TTC6: variants seen among roughly 807,000 people sequenced by gnomAD.
The protein encoded by TTC6 is tetratricopeptide repeat domain 6, also known as tetratricopeptide repeat protein 6.
A neutral mutation model predicts 210.4 loss-of-function variants in TTC6; 172 were observed. The observed-to-expected ratio is 0.82, with a 90% CI of 0.72 to 0.93. The LOEUF (loss-of-function observed/expected upper bound fraction) is 0.93. Among genes scored for constraint, TTC6 ranks in the 40% least tolerant of loss-of-function variants. The probability of loss-of-function intolerance (pLI) is 0.00; values close to 1 mark genes in which losing one functional copy is unlikely to be tolerated. For missense variants in TTC6, 2,414 were observed against 2,318.1 expected, an observed-to-expected ratio of 1.04 and a Z score of -0.85; for synonymous variants, 804 against 819.6, an observed-to-expected ratio of 0.98 and a Z score of 0.32.
chr14:37,779,213 A>G (rs1261800774), intron 14 of TTC6, among the ~76,000 whole-genome samples: 3 of 152,116 alleles, frequency 2.0e-5, no homozygotes, highest in African/African-American at 7.2e-5. Context: ...AGGGTTCCCA[A>G]GTTCCTCCCC....
intron 29 of TTC6, among the ~76,000 whole-genome samples, chr14:37,840,876 T>C (rs930081380): frequency 1.7e-4 from 26 of 151,404 alleles, no homozygotes; most frequent in Non-Finnish European, 3.2e-4. Context: ...AGGATTTTTT[T>C]TTTTTTTTTT....
At chr14:37,780,027 C>G (rs998055473) in intron 14 of TTC6, among the ~76,000 whole-genome samples, 1 of 152,044 alleles carries the variant, frequency 6.6e-6, no homozygotes, top group Non-Finnish European at 1.5e-5. Context: ...GAAGTTGAAA[C>G]AAATGCAAAA....
chr14:37,745,820 G>C (rs2095934284), intron 10 of TTC6, among the ~76,000 whole-genome samples: 1 of 152,142 alleles, frequency 6.6e-6, no homozygotes, highest in Non-Finnish European at 1.5e-5. Context: ...GTATACCTAA[G>C]CCACATTGCA....
At chr14:37,691,802 T>C (rs1206685963) in intron 3 of TTC6, among the ~76,000 whole-genome samples, 1 of 151,972 alleles carries the variant, frequency 6.6e-6, no homozygotes, top group Non-Finnish European at 1.5e-5. Context: ...TTAGCCAGAC[T>C]AAGAAAAGAA....
At chr14:37,625,547 T>TA (rs34756083) in intron 1 of TTC6, among the ~76,000 whole-genome samples, 25,138 of 136,256 alleles carry the variant, frequency 0.18, 2,450 homozygotes, top group South Asian at 0.32. Flanking sequence ...AGACTTCGTC[T>TA]AAAAAAAAAA....
chr14:37,633,690 T>C (rs1288480243), intron 1 of TTC6, among the ~76,000 whole-genome samples: 1 of 151,812 alleles, frequency 6.6e-6, no homozygotes, highest in Non-Finnish European at 1.5e-5. Flanking sequence ...GACAGTGGAG[T>C]GTCTAAACTT....
intron 1 of TTC6, among the ~76,000 whole-genome samples, chr14:37,634,483 G>GTGGGA (rs1202430381): frequency 1.3e-5 from 2 of 152,174 alleles, no homozygotes; most frequent in African/African-American, 4.8e-5. Flanking sequence ...TTACGGACCT[G>GTGGGA]TGGGACTAAA....
intron 30 of TTC6, 167 bp downstream of exon 32, chr14:37,841,837 A>G: frequency 1.5e-6 from 1 of 663,356 alleles, no homozygotes; most frequent in Non-Finnish European, 2.5e-6. Flanking sequence ...TCCTTTATGT[A>G]ATGTCTTAAC....
intron 2 of TTC6, among the ~76,000 whole-genome samples, chr14:37,681,848 A>G (rs1957589): frequency 0.38 from 57,639 of 152,050 alleles, 11,680 homozygotes; most frequent in Admixed American, 0.5. Context: ...AAGTACAAAA[A>G]AAGATATATC....
intron 15 of TTC6, among the ~76,000 whole-genome samples, chr14:37,789,714 C>T (rs528398627): frequency 6.6e-6 from 1 of 150,716 alleles, no homozygotes; most frequent in East Asian, 1.9e-4. Flanking sequence ...AAAGTACACT[C>T]TATGATCTTT....
At chr14:37,602,184 G>A (rs531838376) in intron 1 of TTC6, among the ~76,000 whole-genome samples, 1 of 152,222 alleles carries the variant, frequency 6.6e-6, no homozygotes, top group African/African-American at 2.4e-5. Flanking sequence ...ATCTTCCTCG[G>A]TACCGGCCTC....
intron 5 of TTC6, among the ~76,000 whole-genome samples, chr14:37,709,695 A>T (rs1324885716): frequency 4.7e-5 from 1 of 21,472 alleles, no homozygotes. Context: ...TGTTTTGTAA[A>T]AAAAAAAAAA....
At position 37,753,743 on chromosome 14, in the gene TTC6, A is replaced by ATT. The variant is rs3062809; in HGVS notation, c.3266+524_3266+525dup. 5.9e-3 allele frequency among the ~76,000 whole-genome samples: 824 copies of ATT among 139,382 alleles called. 7 individuals are homozygous for ATT. The highest frequency in any genetic ancestry group is 8.9e-3 in the Non-Finnish European group (579 of 65,254). 91.4% of individuals were successfully genotyped at this position (139,382 alleles called of 152,430 possible). On this transcript the variant is annotated intron_variant, in intron 14 of 30. Coordinates refer to ENST00000553443, the Ensembl canonical transcript of TTC6. ...GCTTCCACAGCCAGTTAATTTTTCA[A>ATT]TTTTTTTTTTTTTTTTTGTGGAAAT... is the stretch of plus-strand genomic sequence containing the variant.
At chr14:37,602,673 G>T (rs899342052) in intron 1 of TTC6, among the ~76,000 whole-genome samples, 3 of 152,088 alleles carry the variant, frequency 2.0e-5, no homozygotes, top group Non-Finnish European at 4.4e-5. Context: ...TGCGGCGGAG[G>T]ATCTGCACCC....
chr14:37,674,312 CA>C (rs1180966262), intron 1 of TTC6, among the ~76,000 whole-genome samples: 1 of 152,044 alleles, frequency 6.6e-6, no homozygotes, highest in Non-Finnish European at 1.5e-5. Context: ...GTAGCCTCTT[CA>C]AGTAACAGTT....
At chr14:37,638,635 G>A (rs909559955) in intron 1 of TTC6, among the ~76,000 whole-genome samples, 3 of 151,898 alleles carry the variant, frequency 2.0e-5, no homozygotes, top group African/African-American at 4.8e-5. Flanking sequence ...TGGGGGCGGG[G>A]GGGCTGGGAG....
rs140797815 is a variant in TTC6, at chr14:37,675,822, C to G, written c.940-4329C>G. On this transcript the variant is annotated intron_variant, in intron 1 of 30. Transcript: ENST00000553443. ...CACTGTGATTTTGATTTGTGTTTCCCTGATTATTTGTGTTGGTCATCTTTT... is the reference window on the plus strand; with the variant it reads ...CACTGTGATTTTGATTTGTGTTTCCGTGATTATTTGTGTTGGTCATCTTTT... Among the ~76,000 whole-genome samples, 206 of 151,070 alleles carry G rather than the reference C, an allele frequency of 1.4e-3. 2 individuals are homozygous for G. Among genetic ancestry groups the G allele is most frequent in the African/African-American group, 4.7e-3 (194 of 41,126 alleles).
intron 14 of TTC6, among the ~76,000 whole-genome samples, chr14:37,763,010 G>A (rs368386159): frequency 6.7e-5 from 10 of 149,568 alleles, no homozygotes; most frequent in Non-Finnish European, 1.2e-4. Flanking sequence ...TCAGCCTCCG[G>A]AGTAGCTGGG....
intron 1 of TTC6, among the ~76,000 whole-genome samples, chr14:37,659,656 G>A (rs2095732867): frequency 6.6e-6 from 1 of 152,028 alleles, no homozygotes; most frequent in Non-Finnish European, 1.5e-5. Context: ...GAACAACTGG[G>A]ATTACAGGCA....
Sources: allele counts gnomAD v4.1 joint callset (sites outside exome capture counted in the v4.1 genomes callset), GRCh38; gene constraint gnomAD v4.1.1; transcripts MANE v1.5; gene names NCBI Gene and HGNC (gene_info 2026-07-23, HGNC 2026-07-21).